EML1: variants seen among roughly 807,000 people sequenced by gnomAD.
EML1 encodes EMAP like 1.
A neutral mutation model predicts 110.4 loss-of-function variants in EML1; 27 were observed. That is an observed-to-expected ratio of 0.24 (90% CI 0.18 to 0.34). The LOEUF (loss-of-function observed/expected upper bound fraction) is 0.34. Among genes scored for constraint, EML1 ranks in the 10% least tolerant of loss-of-function variants. The pLI, the probability that EML1 is intolerant of heterozygous loss-of-function variation, is 1.00. For synonymous variants in EML1, 344 were observed against 385.8 expected (o/e 0.89, Z 1.27); for missense variants, 741 against 1,030.9 (o/e 0.72, Z 3.85).
chr14:99,767,083 C>A (rs11160547), intron 1 of EML1, among the ~76,000 whole-genome samples: 2 of 151,994 alleles, frequency 1.3e-5, no homozygotes, highest in African/African-American at 4.8e-5. Context: ...GAAGAAGGCA[C>A]GGTGAGAAAC....
chr14:99,907,126 T>C (rs2059861947), intron 9 of EML1: 1 of 153,340 alleles, frequency 6.5e-6, no homozygotes, highest in Non-Finnish European at 1.4e-5. Context: ...TTCCCCATCA[T>C]TTACCTGCTC....
chr14:99,795,460 A>T (rs2057753178), intron 1 of EML1, among the ~76,000 whole-genome samples: 1 of 150,034 alleles, frequency 6.7e-6, no homozygotes, highest in East Asian at 1.9e-4. Context: ...TGTATTTGTT[A>T]TTTTTTTTTT....
intron 1 of EML1, among the ~76,000 whole-genome samples, chr14:99,754,955 G>C (rs944377126): frequency 1.3e-5 from 2 of 152,230 alleles, no homozygotes; most frequent in South Asian, 2.1e-4. Context: ...GTGGCCGTGA[G>C]GAAAAGCTGT....
intron 1 of EML1, among the ~76,000 whole-genome samples, chr14:99,780,530 C>T (rs2057528052): frequency 6.6e-6 from 1 of 152,076 alleles, no homozygotes; most frequent in Non-Finnish European, 1.5e-5. Context: ...TTTAGCAGAA[C>T]ATGGAGGCAA....
intron 1 of EML1, among the ~76,000 whole-genome samples, chr14:99,750,489 C>T (rs567580024): frequency 6.6e-6 from 1 of 152,294 alleles, no homozygotes; most frequent in African/African-American, 2.4e-5. Flanking sequence ...AGCTCGCCAC[C>T]AAGTGCTGTG....
At chr14:99,910,032 C>T (rs933027348) in intron 11 of EML1, among the ~76,000 whole-genome samples, 4 of 152,060 alleles carry the variant, frequency 2.6e-5, no homozygotes, top group East Asian at 3.9e-4. Flanking sequence ...TGCTAGAAAT[C>T]GCTTTGTCTT....
At chr14:99,874,909 T>C (rs1181243271) in intron 3 of EML1, 1 of 1,605,232 alleles carries the variant, frequency 6.2e-7, no homozygotes, top group Admixed American at 1.7e-5. Flanking sequence ...TTCTGCTTTA[T>C]TTCTGTGCCT....
At position 99,903,784 on chromosome 14, in the gene EML1, C is replaced by CTTTTTTTTTTTTTTTT. The variant is rs202121563; in HGVS notation, c.1008+2745_1008+2746insTTTTTTTTTTTTTTTT. ...ACAAAATCTCATAGATAAATCTATTCATTTTTTTTTTTTTTTTGAGACAGA... is the reference window on the plus strand; with the variant it reads ...ACAAAATCTCATAGATAAATCTATTCTTTTTTTTTTTTTTTTATTTTTTTTTTTTTTTTGAGACAGA... On this transcript the variant is annotated intron_variant, in intron 9 of 21. Transcript: ENST00000262233. 1.4e-5 allele frequency among the ~76,000 whole-genome samples: 2 copies of CTTTTTTTTTTTTTTTT among 141,612 alleles called. 1 individual carries two copies. The allele number at this position is 141,612 out of a possible 152,430, so 92.9% of individuals were successfully genotyped here.
At chr14:99,871,993 G>A (rs906552567) in intron 3 of EML1, among the ~76,000 whole-genome samples, 2 of 152,180 alleles carry the variant, frequency 1.3e-5, no homozygotes, top group African/African-American at 4.8e-5. Context: ...GGTCAGCCCT[G>A]ACATCTGCTC....
At chr14:99,845,147 C>T (rs2139814262) in intron 1 of EML1, among the ~76,000 whole-genome samples, 1 of 152,238 alleles carries the variant, frequency 6.6e-6, no homozygotes. Flanking sequence ...GAGTGTGTTT[C>T]ATTTGCTCCA....
intron 1 of EML1, among the ~76,000 whole-genome samples, chr14:99,819,801 A>G (rs1161233505): frequency 2.0e-5 from 3 of 152,236 alleles, no homozygotes; most frequent in Non-Finnish European, 4.4e-5. Flanking sequence ...TGAAGCGCCC[A>G]GGCCCACACC....
intron 3 of EML1, among the ~76,000 whole-genome samples, chr14:99,874,769 T>C (rs2059261420): frequency 6.6e-6 from 1 of 152,144 alleles, no homozygotes; most frequent in African/African-American, 2.4e-5. Context: ...CTTGGAAGAG[T>C]TGTGAAGGAT....
At position 99,843,585 on chromosome 14, in the gene EML1, A is replaced by G. The variant is rs146747108; in HGVS notation, c.68-7268A>G. 3.7e-4 allele frequency among the ~76,000 whole-genome samples: 56 copies of G among 152,338 alleles called. 1 individual carries two copies. The highest frequency in any genetic ancestry group is 1.3e-3 in the African/African-American group (54 of 41,582). On this transcript the variant is annotated intron_variant, in intron 1 of 21. Coordinates refer to ENST00000262233, the MANE Select transcript of EML1 (RefSeq NM_004434.3). The stretch of plus-strand genomic sequence containing the variant: ...ACCTGTTTTATACATAGAGGCAGAT[A>G]GAGATTAAGTAGTTTGTCCTAGGTC...
chr14:99,931,873 C>T (rs1043627914), intron 17 of EML1, among the ~76,000 whole-genome samples: 7 of 152,224 alleles, frequency 4.6e-5, no homozygotes, highest in Non-Finnish European at 1.0e-4. Context: ...CACACTCTGC[C>T]GTCTTGCCGG....
upstream of EML1, among the ~76,000 whole-genome samples, chr14:99,791,356 C>T (rs149907379): frequency 1.4e-3 from 206 of 152,342 alleles, no homozygotes; most frequent in African/African-American, 4.7e-3. Context: ...TTTCTGTGCT[C>T]TTAGCTTAGA....
intron 13 of EML1, 37 bp from the exon 14 acceptor site, chr14:99,914,142 T>C (rs777062360): frequency 2.9e-5 from 46 of 1,587,918 alleles, no homozygotes; most frequent in Non-Finnish European, 3.8e-5. Context: ...TGAATGAAAT[T>C]GTACATCTTT....
intron 15 of EML1, among the ~76,000 whole-genome samples, chr14:99,916,508 C>T (rs1408293118): frequency 6.6e-6 from 1 of 152,190 alleles, no homozygotes; most frequent in Non-Finnish European, 1.5e-5. Flanking sequence ...TTAATCTCTT[C>T]TCTCTTCATC....
chr14:99,757,573 G>A lies in EML1; in HGVS notation c.28+19713G>A, dbSNP rs574271296. ...TAACTTTTTATTGGGATGAGGAAGC[G>A]TGCTGGTTAGCGTTTAATAAGCAAA... On this transcript the variant is annotated intron_variant, in intron 1 of 10. Coordinates refer to the EML1 transcript ENST00000554479. Among the ~76,000 whole-genome samples the A allele has an allele frequency of 3.3e-5, 5 of 152,346 alleles. No individual in the cohort carries two copies. The East Asian group carries it at 5.8e-4, about 18-fold the overall frequency.
rs2059831414 is a variant in EML1 at position 99,905,554 on chromosome 14, C to T, written c.1009-2084C>T. The stretch of plus-strand genomic sequence containing the variant: ...CTGTTGATAACGAAGGGATCTTTCC[C>T]AGCAGTCCCGTCAGCTCTTAAATTT... On this transcript the variant is annotated intron_variant, in intron 9 of 21. Transcript: ENST00000262233. The surrounding 1 kb of genome is among the most constrained non-coding windows in gnomAD (Gnocchi z 4.1). Among the ~76,000 whole-genome samples the T allele has an allele frequency of 6.6e-6, 1 of 152,220 alleles. No homozygotes were observed. Among genetic ancestry groups the T allele is most frequent in the Admixed American group, 6.5e-5 (1 of 15,282 alleles).
Sources: gnomAD v4.1 joint callset for allele counts (sites outside exome capture counted in the v4.1 genomes callset) on GRCh38, gnomAD v4.1.1 for gene constraint, Gnocchi (gnomAD v3.1) non-coding constraint, MANE v1.5 for transcripts, NCBI Gene and HGNC (gene_info 2026-07-23, HGNC 2026-07-21) for gene names.